Variants in KCTD16 observed in about 807,000 individuals in gnomAD.
KCTD16 encodes potassium channel tetramerization domain containing 16.
In KCTD16, 13 loss-of-function variants were observed where a neutral mutation model predicts 33.2. The observed-to-expected ratio is 0.39, with a 90% confidence interval of 0.25 to 0.62. The LOEUF is 0.62. Ranked by LOEUF, KCTD16 falls within the 20% of genes least tolerant of loss-of-function variation. KCTD16 has a pLI of 0.50. For missense variants in KCTD16, 441 were observed against 525.1 expected (o/e 0.84, Z 1.57); for synonymous variants, 197 against 195.3 (o/e 1.01, Z -0.07).
rs867253169 is a variant in KCTD16, at chr5:144,464,476, A to T, written c.833-9184A>T. 2.5e-4 allele frequency among the ~76,000 whole-genome samples: 38 copies of T among 152,334 alleles called. 1 individual carries two copies. Among genetic ancestry groups the T allele is most frequent in the Middle Eastern group, 6.8e-3 (2 of 294 alleles). ...GGGAGGTACTAATGGCAATAAATGG[A>T]TAGAGGCCACAGATGTTGCCATACA... is the stretch of plus-strand genomic sequence containing the variant. On this transcript the variant is annotated intron_variant, in intron 3 of 3. Coordinates refer to ENST00000512467, the MANE Select transcript of KCTD16 (RefSeq NM_020768.4).
At chr5:144,420,390 G>A (rs565283383) in intron 3 of KCTD16, among the ~76,000 whole-genome samples, 18 of 152,134 alleles carry the variant, frequency 1.2e-4, no homozygotes, top group Non-Finnish European at 2.1e-4. Context: ...ATGTACCCTA[G>A]AACTTAAAGT....
intron 3 of KCTD16, among the ~76,000 whole-genome samples, chr5:144,410,014 G>T (rs1233641537): frequency 3.3e-5 from 5 of 152,082 alleles, no homozygotes; most frequent in Admixed American, 2.0e-4. Flanking sequence ...TCAGGTGAGG[G>T]TGAGGAGGGG....
chr5:144,299,142 ATATATATTTT>A (rs1445076556), intron 3 of KCTD16, among the ~76,000 whole-genome samples: 19 of 22,398 alleles, frequency 8.5e-4, no homozygotes, highest in African/African-American at 5.5e-3. Flanking sequence ...ATATATATAT[ATATATATTTT>A]TTTTTTTTTT....
At chr5:144,464,525 C>G (rs1754273213) in intron 3 of KCTD16, among the ~76,000 whole-genome samples, 1 of 152,138 alleles carries the variant, frequency 6.6e-6, no homozygotes, top group Admixed American at 6.5e-5. Context: ...AGGATGGCCC[C>G]ACAAGGAATG....
chr5:144,385,999 G>C (rs976523550), intron 3 of KCTD16, among the ~76,000 whole-genome samples: 1 of 151,934 alleles, frequency 6.6e-6, no homozygotes, highest in African/African-American at 2.4e-5. Flanking sequence ...ATCATTGCTT[G>C]GGATTTAAAA....
intron 3 of KCTD16, among the ~76,000 whole-genome samples, chr5:144,326,651 T>C (rs540802906): frequency 1.2e-4 from 18 of 151,990 alleles, no homozygotes; most frequent in African/African-American, 3.4e-4. Context: ...TTATGGGGAG[T>C]TGGATTTTCA....
At chr5:144,456,102 G>T (rs1193506001) in intron 3 of KCTD16, among the ~76,000 whole-genome samples, 4 of 152,020 alleles carry the variant, frequency 2.6e-5, no homozygotes, top group Middle Eastern at 3.2e-3. Context: ...TAGGAATGGG[G>T]TATGATTTTG....
chr5:144,381,732 C>A (rs868759073), intron 3 of KCTD16, among the ~76,000 whole-genome samples: 47 of 152,278 alleles, frequency 3.1e-4, no homozygotes, highest in Non-Finnish European at 1.3e-4. Context: ...CACCTCTCAC[C>A]AGTCCCCACC....
intron 3 of KCTD16, among the ~76,000 whole-genome samples, chr5:144,228,604 G>A (rs2544625): frequency 0.18 from 26,910 of 152,112 alleles, 2,987 homozygotes; most frequent in Non-Finnish European, 0.24. Flanking sequence ...GAGAAAAAGA[G>A]AATTTTTTTA....
intron 3 of KCTD16, among the ~76,000 whole-genome samples, chr5:144,387,659 A>G (rs1478405047): frequency 6.6e-6 from 1 of 152,134 alleles, no homozygotes; most frequent in Admixed American, 6.5e-5. Flanking sequence ...TTGAGATCTG[A>G]GGGATTAGGG....
intron 3 of KCTD16, among the ~76,000 whole-genome samples, chr5:144,318,699 C>G (rs1271171555): frequency 6.6e-6 from 1 of 152,136 alleles, no homozygotes; most frequent in Non-Finnish European, 1.5e-5. Flanking sequence ...TTAGCAAGTG[C>G]CTAAGCCTGC....
chr5:144,457,918 G>A (rs776891510), intron 3 of KCTD16, among the ~76,000 whole-genome samples: 6 of 152,280 alleles, frequency 3.9e-5, no homozygotes, highest in Middle Eastern at 6.8e-3. Context: ...CTGCCCATTG[G>A]TGTAACAAGG....
chr5:144,295,016 A>G (rs1755997275), intron 3 of KCTD16, among the ~76,000 whole-genome samples: 1 of 152,208 alleles, frequency 6.6e-6, no homozygotes, highest in Non-Finnish European at 1.5e-5. Context: ...CATTTTCTAT[A>G]CAAAAAGCAG....
intron 3 of KCTD16, among the ~76,000 whole-genome samples, chr5:144,331,587 G>A (rs1752359810): frequency 6.6e-6 from 1 of 152,116 alleles, no homozygotes. Context: ...GTTATGGATG[G>A]GGAATGGGAG....
chr5:144,213,606 G>A (rs891260465), intron 3 of KCTD16, among the ~76,000 whole-genome samples: 2 of 152,050 alleles, frequency 1.3e-5, no homozygotes, highest in African/African-American at 4.8e-5. Flanking sequence ...GATTTTAGAG[G>A]CCTAATCAAA....
intron 3 of KCTD16, among the ~76,000 whole-genome samples, chr5:144,295,740 A>C (rs895410428): frequency 6.6e-6 from 1 of 152,230 alleles, no homozygotes; most frequent in African/African-American, 2.4e-5. Context: ...AGATTATCCA[A>C]ATGGGCTCAA....
intron 3 of KCTD16, among the ~76,000 whole-genome samples, chr5:144,243,432 A>G (rs1216677094): frequency 6.6e-6 from 1 of 152,206 alleles, no homozygotes; most frequent in Non-Finnish European, 1.5e-5. Context: ...TGTATGTGGT[A>G]AAATACTCTA....
chr5:144,422,258 G>T (rs1251880627), intron 3 of KCTD16, among the ~76,000 whole-genome samples: 26 of 152,148 alleles, frequency 1.7e-4, no homozygotes, highest in Admixed American at 1.7e-3. Flanking sequence ...CAGGGACCAG[G>T]CTTTCTAAGC....
At chr5:144,304,452 G>T (rs1751535731) in intron 3 of KCTD16, among the ~76,000 whole-genome samples, 1 of 152,178 alleles carries the variant, frequency 6.6e-6, no homozygotes, top group Non-Finnish European at 1.5e-5. Flanking sequence ...ATGGGAAATT[G>T]TTTCTTCGGA....
Sources: allele counts gnomAD v4.1 joint callset (sites outside exome capture counted in the v4.1 genomes callset), GRCh38; gene constraint gnomAD v4.1.1; transcripts MANE v1.5; gene names NCBI Gene and HGNC (gene_info 2026-07-23, HGNC 2026-07-21).